Variants in ANXA11 observed in about 807,000 individuals in gnomAD.
ANXA11 encodes the protein 56 kDa autoantigen.
ANXA11 carries 57 observed loss-of-function variants against 64.7 expected under a neutral mutation model. The observed-to-expected ratio is 0.88, with a 90% CI of 0.71 to 1.10. The LOEUF is 1.10. Among genes scored for constraint, ANXA11 ranks in the 50% least tolerant of loss-of-function variants. The pLI is 0.00. For missense variants in ANXA11, 675 were observed against 670.7 expected, an observed-to-expected ratio of 1.01 and a Z score of -0.07; for synonymous variants, 260 against 265.2, an observed-to-expected ratio of 0.98 and a Z score of 0.19.
At position 80,167,249 on chromosome 10, in the gene ANXA11, A is replaced by G; in HGVS notation, c.626T>C (p.Leu209Pro). The change falls in exon 6 of 16, where the codon CTG becomes CCG. Residue 209 changes from leucine to proline, a missense_variant. Physicochemically the swap from Leu to Pro is moderately conservative, Grantham distance 98 (BLOSUM62 -3). Coordinates refer to ENST00000422982, the MANE Select transcript of ANXA11 (RefSeq NM_145868.2). ...GFDPLRDAEV[L>P]RKAMKGFGTD... ...ACCGAAGCCTTTCATGGCCTTCCGC[A>G]GGACCTCGGCATCTCGCAGGGGGTC... is the stretch of plus-strand genomic sequence containing the variant. 1 of 1,614,186 alleles carries G rather than the reference A, an allele frequency of 6.2e-7. No individual in the cohort carries two copies. The highest frequency in any genetic ancestry group is 8.5e-7 in the Non-Finnish European group (1 of 1,180,034).
chr10:80,158,111 G>A (rs1845351826), intron 13 of ANXA11, 86 bp from the exon 14 acceptor site: 18 of 1,256,264 alleles, frequency 1.4e-5, no homozygotes, highest in Non-Finnish European at 2.1e-5. Flanking sequence ...TCCTCTTAGA[G>A]GCCCAGATGT....
chr10:80,170,294 T>A (rs956392417), intron 4 of ANXA11, among the ~76,000 whole-genome samples: 1 of 152,188 alleles, frequency 6.6e-6, no homozygotes, highest in African/African-American at 2.4e-5. Context: ...ACGTTTGTTT[T>A]CAAATCATAA....
At chr10:80,193,147 AG>A (rs1846842270) in intron 1 of ANXA11, among the ~76,000 whole-genome samples, 1 of 152,240 alleles carries the variant, frequency 6.6e-6, no homozygotes, top group Non-Finnish European at 1.5e-5. Context: ...ATATTGGGAC[AG>A]GAAGGATTGT....
chr10:80,175,574 T>C (rs1430396898), intron 2 of ANXA11, among the ~76,000 whole-genome samples: 2 of 149,182 alleles, frequency 1.3e-5, no homozygotes, highest in Non-Finnish European at 3.0e-5. Flanking sequence ...AATTTCAGCA[T>C]AAGAGACAAA....
At chr10:80,178,129 C>T (rs1846233937) in intron 1 of ANXA11, among the ~76,000 whole-genome samples, 1 of 152,048 alleles carries the variant, frequency 6.6e-6, no homozygotes, top group Non-Finnish European at 1.5e-5. Flanking sequence ...CTTCTAAGGC[C>T]CTCGGGTCCC....
chr10:80,159,304 A>C, intron 12 of ANXA11, 109 bp from the exon 13 acceptor site: 1 of 819,826 alleles, frequency 1.2e-6, no homozygotes, highest in South Asian at 1.5e-5. Context: ...GTTTGGAGAT[A>C]AGATCTTTAA....
At chr10:80,155,975 T>C in intron 15 of ANXA11, 63 bp from the exon 16 acceptor site, 1 of 1,533,930 alleles carries the variant, frequency 6.5e-7, no homozygotes, top group East Asian at 2.2e-5. Flanking sequence ...GCCTTCTGGG[T>C]CCTGATATTC....
intron 1 of ANXA11, among the ~76,000 whole-genome samples, chr10:80,194,528 G>T (rs924799623): frequency 3.3e-5 from 5 of 152,166 alleles, no homozygotes; most frequent in Non-Finnish European, 7.4e-5. Context: ...AAGAGTCGGG[G>T]GGGGAAGACA....
At chr10:80,198,883 G>T (rs1252137108) in intron 1 of ANXA11, among the ~76,000 whole-genome samples, 1 of 152,090 alleles carries the variant, frequency 6.6e-6, no homozygotes, top group East Asian at 1.9e-4. Context: ...AGGAATGCAT[G>T]CAAGTATAAT....
intron 4 of ANXA11, among the ~76,000 whole-genome samples, chr10:80,170,523 C>G (rs889287596): frequency 6.6e-6 from 1 of 152,202 alleles, no homozygotes; most frequent in African/African-American, 2.4e-5. Context: ...CCCTCGCCAC[C>G]TTCCCAACCC....
chr10:80,193,827 AAGAC>A (rs1169222503), intron 1 of ANXA11, among the ~76,000 whole-genome samples: 1 of 151,586 alleles, frequency 6.6e-6, no homozygotes, highest in Non-Finnish European at 1.5e-5. Flanking sequence ...AAAAAAAAAA[AAGAC>A]AGAATATTAC....
At chr10:80,200,733 A>G (rs557027439) in intron 1 of ANXA11, among the ~76,000 whole-genome samples, 1 of 152,272 alleles carries the variant, frequency 6.6e-6, no homozygotes, top group African/African-American at 2.4e-5. Context: ...GTTGGCCACA[A>G]AGAAAATTTA....
intron 2 of ANXA11, among the ~76,000 whole-genome samples, chr10:80,173,574 C>T (rs1846059852): frequency 6.6e-6 from 1 of 151,632 alleles, no homozygotes; most frequent in Admixed American, 6.6e-5. Context: ...CCAGGTGAGA[C>T]ACCTGCTCTC....
At chr10:80,202,575 A>G (rs1212445294) in intron 1 of ANXA11, among the ~76,000 whole-genome samples, 3 of 152,196 alleles carry the variant, frequency 2.0e-5, no homozygotes, top group Non-Finnish European at 2.9e-5. Flanking sequence ...GGTATCACTC[A>G]AAATTCCTAC....
chr10:80,162,715 C>T (rs1430265494), intron 11 of ANXA11, among the ~76,000 whole-genome samples: 1 of 152,222 alleles, frequency 6.6e-6, no homozygotes, highest in African/African-American at 2.4e-5. Context: ...ACTGGCAGCT[C>T]CTGGTGAATG....
chr10:80,191,985 C>T (rs1846796544), intron 1 of ANXA11, among the ~76,000 whole-genome samples: 1 of 152,138 alleles, frequency 6.6e-6, no homozygotes. Context: ...GTGCTGAATC[C>T]CCCACTCCCA....
At chr10:80,157,454 C>G (rs1157612500) in intron 15 of ANXA11, 187 bp downstream of exon 15, 2 of 985,224 alleles carry the variant, frequency 2.0e-6, no homozygotes, top group East Asian at 1.1e-4. Flanking sequence ...ACAGCAAGGT[C>G]ATGATCCACC....
chr10:80,199,446 G>C (rs113193955), intron 1 of ANXA11, among the ~76,000 whole-genome samples: 1 of 152,046 alleles, frequency 6.6e-6, no homozygotes, highest in African/African-American at 2.4e-5. Flanking sequence ...TAAGGGTTGG[G>C]CAAAGACATA....
At chr10:80,204,115 AC>A (rs1840567965) in intron 1 of ANXA11, among the ~76,000 whole-genome samples, 1 of 152,182 alleles carries the variant, frequency 6.6e-6, no homozygotes, top group South Asian at 2.1e-4. Context: ...GATTACTATT[AC>A]CCCCATTTTA....
Sources: gnomAD v4.1 joint callset for allele counts (sites outside exome capture counted in the v4.1 genomes callset) on GRCh38, gnomAD v4.1.1 for gene constraint, MANE v1.5 for transcripts, NCBI Gene and HGNC (gene_info 2026-07-23, HGNC 2026-07-21) for gene names.